The following DIDO1 variants were observed in gnomAD, a reference collection of about 807,000 sequenced individuals.
DIDO1 encodes the protein death inducer-obliterator 1, also known as death-inducer obliterator 1.
Under a neutral mutation model 99.4 loss-of-function variants are expected in DIDO1, and 16 were observed. The ratio of observed to expected loss-of-function variants is 0.16; its 90% CI spans 0.11 to 0.24. The LOEUF (loss-of-function observed/expected upper bound fraction) is 0.24. Among genes scored for constraint, DIDO1 ranks in the 10% least tolerant of loss-of-function variants. The pLI, the probability that DIDO1 is intolerant of heterozygous loss-of-function variation, is 1.00. For synonymous variants in DIDO1, 1,366 were observed against 1,239.1 expected (o/e 1.10, Z -2.15); for missense variants, 2,996 against 3,014.0 (o/e 0.99, Z 0.14).
At chr20:62,922,320 TG>T (rs1416131959) in intron 1 of DIDO1, among the ~76,000 whole-genome samples, 1 of 151,952 alleles carries the variant, frequency 6.6e-6, no homozygotes, top group Non-Finnish European at 1.5e-5. Flanking sequence ...GGAGCATCTC[TG>T]GGGCCTACTC....
At chr20:62,925,875 A>G (rs1451155401) in intron 1 of DIDO1, among the ~76,000 whole-genome samples, 1 of 152,230 alleles carries the variant, frequency 6.6e-6, no homozygotes, top group African/African-American at 2.4e-5. Context: ...ACTCTTCAGA[A>G]AAGCGAATCC....
chr20:62,922,782 A>G (rs527840368), intron 1 of DIDO1, among the ~76,000 whole-genome samples: 1 of 152,220 alleles, frequency 6.6e-6, no homozygotes, highest in Non-Finnish European at 1.5e-5. Flanking sequence ...TTTGTCCGAC[A>G]TATTTGCCAA....
Position 62,881,891 on chromosome 20 carries a change from C to T in DIDO1, c.4065G>A (p.Pro1355=), listed in dbSNP as rs767964314. 3.1e-6 allele frequency: 5 copies of T among 1,613,366 alleles called. No individual in the cohort carries two copies. Among genetic ancestry groups the T allele is most frequent in the South Asian group, 2.2e-5 (2 of 91,074 alleles). ...EPKTTAEDGV[P]APPLLDPIVQ... is the part of the protein sequence containing the mutation. ...CGATCGGATCTAACAACGGAGGTGC[C>T]GGCACCCCGTCCTCTGCTGTGGTTT... Residue 1355 remains proline, a synonymous_variant, in exon 16 of 16, where the codon CCG becomes CCA. Transcript: ENST00000395343. The surrounding 1 kb of genome is among the most constrained non-coding windows in gnomAD (Gnocchi z 8.3).
intron 1 of DIDO1, among the ~76,000 whole-genome samples, chr20:62,919,302 G>A (rs1202275912): frequency 6.6e-6 from 1 of 152,204 alleles, no homozygotes. Context: ...ACTTCGGGAG[G>A]CTGAGGCAGG....
intron 15 of DIDO1, among the ~76,000 whole-genome samples, chr20:62,884,700 C>G (rs531152301): frequency 7.8e-4 from 119 of 152,342 alleles, no homozygotes; most frequent in Non-Finnish European, 1.6e-3. Flanking sequence ...GAGTTGGGAC[C>G]AGCCTGCTCC....
At chr20:62,886,301 G>T (rs1041143601) in intron 15 of DIDO1, among the ~76,000 whole-genome samples, 1 of 152,258 alleles carries the variant, frequency 6.6e-6, no homozygotes, top group Non-Finnish European at 1.5e-5. Context: ...AACGCCCTCT[G>T]AAAGGCCAGA....
rs571060072 is a variant in DIDO1, at chr20:62,933,015, C to A, written c.-200+4781G>T. ...ATCACCTGAGGTCTGGAGTTCGAGACCAGCCTGACCAACATGAAGAAACCC... is the reference window on the plus strand; with the variant it reads ...ATCACCTGAGGTCTGGAGTTCGAGAACAGCCTGACCAACATGAAGAAACCC... On this transcript the variant is annotated intron_variant, in intron 1 of 15. Coordinates refer to the DIDO1 transcript ENST00000266070. Among the ~76,000 whole-genome samples, 4 of 152,302 alleles carry A rather than the reference C, an allele frequency of 2.6e-5. No homozygotes were observed. The East Asian group carries it at 7.7e-4, about 29-fold the overall frequency.
chr20:62,880,899 G>T lies in DIDO1; in HGVS notation c.5057C>A (p.Pro1686Gln). The T allele has an allele frequency of 1.2e-6, 2 of 1,611,550 alleles. No homozygotes were observed. Among genetic ancestry groups the T allele is most frequent in the African/African-American group, 2.7e-5 (2 of 75,072 alleles). ...HDGERDPFTCPGFASQDKALG... is the reference protein window; with the variant it reads ...HDGERDPFTCQGFASQDKALG... ...AGCCTTGTCCTGCGACGCGAACCCC[G>T]GGCAGGTGAAAGGGTCCCTCTCACC... Residue 1686 changes from proline to glutamine, a missense_variant, in exon 16 of 16, where the codon CCG (proline) becomes CAG (glutamine). Transcript: ENST00000395343.
intron 4 of DIDO1, among the ~76,000 whole-genome samples, 171 bp downstream of exon 4, chr20:62,909,528 G>A (rs909692074): frequency 2.0e-5 from 3 of 152,212 alleles, no homozygotes; most frequent in African/African-American, 2.4e-5. Context: ...AGGTAGACAG[G>A]GTAAGAATAA....
Position 62,910,040 on chromosome 20 carries a change from G to T in DIDO1, c.840-20C>A, listed in dbSNP as rs748658978. On this transcript the variant is annotated intron_variant, in intron 3 of 15. Coordinates refer to ENST00000395343, the MANE Select transcript of DIDO1 (RefSeq NM_001193369.2). ...ATAAACCTGAAATTATAAAATAACG[G>T]TATTAGCAATGGGACGTGAGTGACA... 2.5e-6 allele frequency: 4 copies of T among 1,595,260 alleles called. No homozygotes were observed. The highest frequency in any genetic ancestry group is 2.7e-5 in the African/African-American group (2 of 74,740).
rs2064183528 is a variant in DIDO1, at chr20:62,880,612, G to C, written c.5344C>G (p.Pro1782Ala). 1 of 1,612,926 alleles carries C rather than the reference G, an allele frequency of 6.2e-7. No homozygotes were observed. Among genetic ancestry groups the C allele is most frequent in the Non-Finnish European group, 8.5e-7 (1 of 1,180,010 alleles). The change falls in exon 16 of 16, where the codon CCA becomes GCA. Residue 1782 changes from proline (P) to alanine (A), a missense_variant. This residue lies in a region of DIDO1 where 1,562 missense variants were observed against 1,412.6 expected (regional missense o/e 1.11). Transcript: ENST00000395343. ...TCGTTAGAAGCGATATTCTCTTCTG[G>C]AAACGGAGGGGCTGGCCCCCTTGGT... is the stretch of plus-strand genomic sequence containing the variant. ...PGPRGPAPPF[P>A]EENIASNDGP... is the part of the protein sequence containing the mutation.
rs1188277362 is a variant in DIDO1 at position 62,892,953 on chromosome 20, T to TTCTGAA, written c.3105_3110dup (p.Ser1036_Glu1037insAspSer). The TTCTGAA allele has an allele frequency of 6.2e-7, 1 of 1,611,852 alleles. No homozygotes were observed. The highest frequency in any genetic ancestry group is 1.1e-5 in the South Asian group (1 of 90,978). Reference sequence around the variant, plus strand: ...TGTCTCCCTCTGGAGGGGAACGTGATTCTGAAGTGCTGTAAAACAAAACCA... The same window carrying TTCTGAA: ...TGTCTCCCTCTGGAGGGGAACGTGATTCTGAATCTGAAGTGCTGTAAAACAAAACCA... On this transcript the variant is annotated inframe_insertion, in exon 13 of 16. Transcript: ENST00000395343.
At chr20:62,888,829 G>A (rs1239557373) in intron 15 of DIDO1, 1 of 985,354 alleles carries the variant, frequency 1.0e-6, no homozygotes, top group Non-Finnish European at 1.2e-6. Flanking sequence ...ATGGAAGTGT[G>A]TGAGATTTCA....
intron 1 of DIDO1, among the ~76,000 whole-genome samples, chr20:62,916,379 C>T (rs1040710631): frequency 6.6e-6 from 1 of 152,120 alleles, no homozygotes; most frequent in African/African-American, 2.4e-5. Flanking sequence ...TGATGAGCGG[C>T]GATTCAAGCA....
intron 1 of DIDO1, among the ~76,000 whole-genome samples, chr20:62,937,602 C>A (rs751703296): frequency 3.9e-5 from 6 of 152,224 alleles, no homozygotes; most frequent in Non-Finnish European, 7.3e-5. Flanking sequence ...CTTCAACGCG[C>A]AGACAGCACA....
At chr20:62,930,747 A>G (rs1057011655), upstream of DIDO1, among the ~76,000 whole-genome samples, 2 of 152,254 alleles carry the variant, frequency 1.3e-5, no homozygotes, top group African/African-American at 4.8e-5. Context: ...ACTTTTAACT[A>G]GAAAAACAAC....
At chr20:62,916,279 A>T (rs1324178638) in intron 1 of DIDO1, among the ~76,000 whole-genome samples, 1 of 152,246 alleles carries the variant, frequency 6.6e-6, no homozygotes, top group Non-Finnish European at 1.5e-5. Flanking sequence ...AGGTTAAAAC[A>T]GAATGTACCA....
In DIDO1 at chr20:62,877,911, A is replaced by C. The variant is rs1291476289; in HGVS notation, c.*1322T>G. On this transcript the variant is annotated 3_prime_UTR_variant, in exon 16 of 16. Transcript: ENST00000395343. ...ACATTTGTGTATTTAAATTAGAAAA[A>C]TTTGCTTTATATGTTAAACAAACAA... 6.6e-6 allele frequency: 1 copy of C among 152,230 alleles called. No individual in the cohort carries two copies. Among genetic ancestry groups the C allele is most frequent in the African/African-American group, 2.4e-5 (1 of 41,460 alleles). The allele number at this position is 152,230 out of a possible 1,614,324, so 9.4% of individuals were successfully genotyped here. A position where few individuals can be genotyped will look rare whatever the true frequency, so the allele number is the denominator to read the frequency against.
chr20:62,891,918 G>A lies in DIDO1; in HGVS notation c.3345+69C>T, dbSNP rs752935348. ...AAGTGTTAACCCATCCAAACGAGAG[G>A]TTAAAAAAAGATGTGTTTAAATCAA... On this transcript the variant is annotated intron_variant, in intron 14 of 15. Transcript: ENST00000395343. 3.9e-5 allele frequency: 52 copies of A among 1,331,202 alleles called. No individual in the cohort carries two copies. The Admixed American group carries it at 6.0e-4, about 15-fold the overall frequency. The allele number at this position is 1,331,202 out of a possible 1,614,324, so 82.5% of individuals were successfully genotyped here.
Sources: gnomAD v4.1 joint callset for allele counts (sites outside exome capture counted in the v4.1 genomes callset) on GRCh38, gnomAD v4.1.1 for gene constraint, gnomAD v4.1.1 regional missense constraint, Gnocchi (gnomAD v3.1) non-coding constraint, MANE v1.5 for transcripts, NCBI Gene and HGNC (gene_info 2026-07-23, HGNC 2026-07-21) for gene names.